GNS: variants seen among roughly 807,000 people sequenced by gnomAD.
GNS encodes N-acetylglucosamine-6-sulfatase.
In GNS, 40 loss-of-function variants were observed where a neutral mutation model predicts 69.7. The ratio of observed to expected loss-of-function variants is 0.57; its 90% CI spans 0.45 to 0.75. GNS has a LOEUF of 0.75. Among genes scored for constraint, GNS ranks in the 30% least tolerant of loss-of-function variants. The pLI is 0.00. For synonymous variants in GNS, 243 were observed against 251.6 expected, an observed-to-expected ratio of 0.97 and a Z score of 0.32; for missense variants, 565 against 685.5, an observed-to-expected ratio of 0.82 and a Z score of 1.96.
In GNS at chr12:64,714,718, T is replaced by A. The variant is rs1196098475; in HGVS notation, c.*2023A>T. 1.3e-5 allele frequency: 2 copies of A among 152,154 alleles called. No homozygotes were observed. The highest frequency in any genetic ancestry group is 2.9e-5 in the Non-Finnish European group (2 of 68,030). 9.4% of individuals were successfully genotyped at this position (152,154 alleles called of 1,614,324 possible). ...AAAACTGAATAATATGACATCACAG[T>A]CCAAGACCTGGTAAGAGTTGGTTTC... On this transcript the variant is annotated 3_prime_UTR_variant, in exon 14 of 14. Transcript: ENST00000258145.
At chr12:64,722,215 G>A (rs574063777) in intron 11 of GNS, among the ~76,000 whole-genome samples, 16 of 151,944 alleles carry the variant, frequency 1.1e-4, no homozygotes, top group African/African-American at 2.9e-4. Context: ...ATGGGGTTTC[G>A]GCATGTTGGC....
intron 9 of GNS, among the ~76,000 whole-genome samples, chr12:64,734,099 T>C (rs1869488052): frequency 6.6e-6 from 1 of 152,162 alleles, no homozygotes; most frequent in Non-Finnish European, 1.5e-5. Flanking sequence ...GCATCACCCA[T>C]CGTCTCCGAC....
At chr12:64,724,296 C>T (rs1281401175) in intron 10 of GNS, among the ~76,000 whole-genome samples, 2 of 152,200 alleles carry the variant, frequency 1.3e-5, no homozygotes, top group African/African-American at 2.4e-5. Flanking sequence ...TAGTTCCTAA[C>T]GTAGGTAGAC....
At chr12:64,745,258 T>C (rs1219352557) in intron 4 of GNS, among the ~76,000 whole-genome samples, 1 of 126,666 alleles carries the variant, frequency 7.9e-6, no homozygotes, top group Admixed American at 9.3e-5. Context: ...CTCTCTTTGT[T>C]GCCCAGACTG....
chr12:64,749,493 C>G (rs1870008470), intron 2 of GNS, among the ~76,000 whole-genome samples: 1 of 152,082 alleles, frequency 6.6e-6, no homozygotes, highest in Non-Finnish European at 1.5e-5. Context: ...ACCTCGTGAT[C>G]CACCCGCCTT....
chr12:64,737,249 C>G (rs1439431886), intron 8 of GNS, 142 bp from the exon 9 acceptor site: 1 of 679,162 alleles, frequency 1.5e-6, no homozygotes, highest in East Asian at 2.7e-5. Flanking sequence ...CTGAAATTTG[C>G]CTGGGTCTCT....
chr12:64,723,368 G>A (rs1869093898), intron 10 of GNS, among the ~76,000 whole-genome samples: 1 of 152,190 alleles, frequency 6.6e-6, no homozygotes, highest in South Asian at 2.1e-4. Context: ...TGTGAATCAG[G>A]TCAGGAATGG....
chr12:64,732,209 C>A (rs1367156759), intron 9 of GNS, among the ~76,000 whole-genome samples: 2 of 131,654 alleles, frequency 1.5e-5, no homozygotes, highest in African/African-American at 5.7e-5. Context: ...ACTCTGTCAC[C>A]CAGGCTGGAG....
rs541931576 is a variant in GNS at position 64,718,600 on chromosome 12, T to C, written c.1580+1422A>G. 1.9e-4 allele frequency among the ~76,000 whole-genome samples: 29 copies of C among 152,362 alleles called. No homozygotes were observed. The South Asian group carries it at 4.6e-3, about 24-fold the overall frequency. ...GACAGCTGGCTCCATCTACCTTGCA[T>C]TGGCCAACCAGATGCCAGCCTGGCA... is the stretch of plus-strand genomic sequence containing the variant. On this transcript the variant is annotated intron_variant, in intron 13 of 13. Coordinates refer to ENST00000258145, the MANE Select transcript of GNS (RefSeq NM_002076.4).
chr12:64,746,452 A>G (rs1477758102), intron 3 of GNS, among the ~76,000 whole-genome samples: 1 of 152,236 alleles, frequency 6.6e-6, no homozygotes, highest in Non-Finnish European at 1.5e-5. Context: ...TCAACCAGTA[A>G]GTATCATGCA....
Position 64,727,109 on chromosome 12 carries a change from AT to A in GNS, c.1200+1846del, listed in dbSNP as rs1869225940. Reference sequence around the variant, plus strand: ...AATATAATAATCACAAAGACAGATAATAGCAAGTATTGGCTCCCACCCGTAA... The same window carrying A: ...AATATAATAATCACAAAGACAGATAAAGCAAGTATTGGCTCCCACCCGTAA... On this transcript the variant is annotated intron_variant, in intron 10 of 13. Coordinates refer to ENST00000258145, the MANE Select transcript of GNS (RefSeq NM_002076.4). Among the ~76,000 whole-genome samples the A allele has an allele frequency of 3.3e-5, 5 of 152,126 alleles. No homozygotes were observed. In the South Asian group the frequency reaches 8.3e-4, roughly 25 times the overall value.
intron 9 of GNS, among the ~76,000 whole-genome samples, chr12:64,734,230 T>C (rs901257035): frequency 4.6e-5 from 7 of 152,248 alleles, no homozygotes; most frequent in African/African-American, 1.4e-4. Context: ...TGCCACTTAC[T>C]TTGCGACCTT....
intron 10 of GNS, among the ~76,000 whole-genome samples, chr12:64,724,476 T>G (rs775359367): frequency 2.6e-5 from 4 of 152,168 alleles, no homozygotes; most frequent in Non-Finnish European, 5.9e-5. Context: ...GAGATAGGAA[T>G]TATTTCCTAA....
At chr12:64,756,877 C>T (rs1350909232) in intron 1 of GNS, 20 of 607,154 alleles carry the variant, frequency 3.3e-5, no homozygotes, top group Admixed American at 1.1e-4. Context: ...GAATCTGGGC[C>T]GAGACAGTGG....
intron 6 of GNS, among the ~76,000 whole-genome samples, chr12:64,741,689 G>A (rs186846060): frequency 4.6e-5 from 7 of 151,798 alleles, no homozygotes; most frequent in Non-Finnish European, 1.0e-4. Context: ...AAATCTGGAG[G>A]GCCCTCCCAT....
At chr12:64,725,054 AC>A (rs982920050) in intron 10 of GNS, among the ~76,000 whole-genome samples, 1 of 152,186 alleles carries the variant, frequency 6.6e-6, no homozygotes, top group African/African-American at 2.4e-5. Flanking sequence ...TATTAAAATC[AC>A]CAGGGAAACT....
At chr12:64,744,676 C>A in intron 5 of GNS, 133 bp downstream of exon 5, 1 of 689,850 alleles carries the variant, frequency 1.4e-6, no homozygotes, top group Non-Finnish European at 2.7e-6. Flanking sequence ...TACTCTTGGG[C>A]AGTTAGACCA....
intron 1 of GNS, chr12:64,756,724 T>A (rs1232040251): frequency 3.3e-6 from 5 of 1,495,270 alleles, no homozygotes; most frequent in Non-Finnish European, 2.7e-6. Flanking sequence ...CCCCTTGGAG[T>A]CCTGTTTGAC....
intron 9 of GNS, among the ~76,000 whole-genome samples, chr12:64,735,119 G>T (rs1565884016): frequency 6.6e-6 from 1 of 152,034 alleles, no homozygotes; most frequent in Non-Finnish European, 1.5e-5. Context: ...CAAAAAAAAT[G>T]AAAAAACAAA....
Sources: gnomAD v4.1 joint callset for allele counts (sites outside exome capture counted in the v4.1 genomes callset) on GRCh38, gnomAD v4.1.1 for gene constraint, MANE v1.5 for transcripts, NCBI Gene and HGNC (gene_info 2026-07-23, HGNC 2026-07-21) for gene names.